Variants in LRRC4C observed in about 807,000 individuals in gnomAD.
LRRC4C encodes the protein leucine-rich repeat-containing protein 4C.
LRRC4C carries 5 observed loss-of-function variants against 33.6 expected under a neutral mutation model. The observed-to-expected ratio is 0.15, with a 90% CI of 0.08 to 0.31. The LOEUF is 0.31. Ranked by LOEUF, LRRC4C falls within the 10% of genes least tolerant of loss-of-function variation. LRRC4C has a pLI of 1.00. For synonymous variants in LRRC4C, 329 were observed against 302.0 expected (o/e 1.09, Z -0.93); for missense variants, 560 against 796.7 (o/e 0.70, Z 3.58).
intron 3 of LRRC4C, among the ~76,000 whole-genome samples, chr11:40,544,264 T>A (rs1020448705): frequency 7.9e-5 from 12 of 152,058 alleles, no homozygotes; most frequent in Admixed American, 1.3e-4. Context: ...TAGTCAGTAT[T>A]TTCTGCATAA....
At chr11:40,454,615 T>A (rs112608341) in intron 3 of LRRC4C, among the ~76,000 whole-genome samples, 5 of 152,284 alleles carry the variant, frequency 3.3e-5, no homozygotes, top group African/African-American at 1.2e-4. Flanking sequence ...GTGTATGAAT[T>A]TTTTTTCTGA....
chr11:40,294,945 G>T (rs1004575730), intron 4 of LRRC4C, among the ~76,000 whole-genome samples: 1 of 152,198 alleles, frequency 6.6e-6, no homozygotes. Flanking sequence ...ATCTTACCAG[G>T]AGGAAGCAAC....
At chr11:40,683,065 A>G (rs534295782) in intron 2 of LRRC4C, among the ~76,000 whole-genome samples, 250 of 152,358 alleles carry the variant, frequency 1.6e-3, no homozygotes, top group Non-Finnish European at 2.9e-3. Context: ...AGGTGATAAC[A>G]TACGAGGAGA....
chr11:41,239,368 A>G (rs1201532089), intron 1 of LRRC4C, among the ~76,000 whole-genome samples: 3 of 148,332 alleles, frequency 2.0e-5, no homozygotes, highest in African/African-American at 7.4e-5. Context: ...GTATTTTCCT[A>G]TTTAATCAGA....
chr11:41,130,071 C>G (rs1169322518), intron 1 of LRRC4C, among the ~76,000 whole-genome samples: 1 of 151,978 alleles, frequency 6.6e-6, no homozygotes, highest in Non-Finnish European at 1.5e-5. Context: ...GTAACTCAAA[C>G]TCTCCATTTG....
chr11:41,163,298 T>TTTTTTTTTTTTTTTTTTTC (rs1456325870), intron 1 of LRRC4C, among the ~76,000 whole-genome samples: 3 of 133,032 alleles, frequency 2.3e-5, no homozygotes, highest in Non-Finnish European at 3.2e-5. Context: ...TTTTTTTTTT[T>TTTTTTTTTTTTTTTTTTTC]TTTCAAACAG....
chr11:40,244,777 C>T (rs1373122540), intron 4 of LRRC4C, among the ~76,000 whole-genome samples: 2 of 151,682 alleles, frequency 1.3e-5, no homozygotes, highest in South Asian at 2.1e-4. Flanking sequence ...AAGAGAGATT[C>T]TTAAAAAGAG....
chr11:40,548,990 A>G (rs1393547434), intron 3 of LRRC4C, among the ~76,000 whole-genome samples: 1 of 152,094 alleles, frequency 6.6e-6, no homozygotes, highest in Non-Finnish European at 1.5e-5. Flanking sequence ...GAATTCCTAT[A>G]TTCTTTACTA....
chr11:41,102,756 T>C lies in LRRC4C; in HGVS notation c.-495-169033A>G, dbSNP rs554508308. 1.2e-4 allele frequency among the ~76,000 whole-genome samples: 18 copies of C among 152,196 alleles called. No individual in the cohort carries two copies. In the South Asian group the frequency reaches 3.5e-3, roughly 30 times the overall value. On this transcript the variant is annotated intron_variant, in intron 1 of 6. Transcript: ENST00000528697. The stretch of plus-strand genomic sequence containing the variant: ...TGCGCTCACTGGATTTAAACAACGC[T>C]GTGCTCATTTCCAAAATCCCAAATA...
chr11:40,186,502 A>T (rs1861412197), intron 5 of LRRC4C, among the ~76,000 whole-genome samples: 1 of 152,280 alleles, frequency 6.6e-6, no homozygotes, highest in African/African-American at 2.4e-5. Flanking sequence ...ACAAAGCACA[A>T]AGCTTTTTCT....
In LRRC4C at chr11:40,343,052, C is replaced by T. The variant is rs138702834; in HGVS notation, c.-269-23331G>A. 9.4e-3 allele frequency among the ~76,000 whole-genome samples: 1,425 copies of T among 151,912 alleles called. 21 individuals carry two copies. The highest frequency in any genetic ancestry group is 0.033 in the African/African-American group (1,375 of 41,434). ...TATATATTTTTTGCCTAATGTAATG[C>T]CTAACACTTAATAGGAGCTCATAAA... On this transcript the variant is annotated intron_variant, in intron 3 of 6. Coordinates refer to ENST00000528697, the MANE Select transcript of LRRC4C (RefSeq NM_001258419.2).
At chr11:41,436,676 C>T (rs1955440020) in intron 1 of LRRC4C, among the ~76,000 whole-genome samples, 1 of 152,216 alleles carries the variant, frequency 6.6e-6, no homozygotes, top group East Asian at 1.9e-4. Context: ...TTCACTTCTA[C>T]TTCTGAAAGC....
intron 1 of LRRC4C, among the ~76,000 whole-genome samples, chr11:41,246,658 A>T (rs1165727866): frequency 2.0e-5 from 3 of 152,148 alleles, no homozygotes; most frequent in South Asian, 2.1e-4. Flanking sequence ...ACTGGCTGCC[A>T]CTGTCATCAA....
chr11:40,696,300 G>GGTATATATATATGTGGTATATATATGA (rs1945519185), intron 2 of LRRC4C, among the ~76,000 whole-genome samples: 3 of 92,050 alleles, frequency 3.3e-5, no homozygotes, highest in African/African-American at 8.7e-5. Context: ...ATATATATAT[G>GGTATATATATATGTGGTATATATATGA]GTATATATAT....
intron 3 of LRRC4C, among the ~76,000 whole-genome samples, chr11:40,625,884 G>A (rs1030771909): frequency 1.6e-4 from 24 of 152,022 alleles, no homozygotes; most frequent in Admixed American, 6.6e-5. Context: ...TCTCCTGGAT[G>A]ATCTTTCTAA....
intron 3 of LRRC4C, among the ~76,000 whole-genome samples, chr11:40,342,618 A>G (rs72893196): frequency 0.016 from 2,377 of 152,322 alleles, 19 homozygotes; most frequent in African/African-American, 0.018. Context: ...CATAAAAATT[A>G]TACAACATAA....
At position 40,272,980 on chromosome 11, in the gene LRRC4C, G is replaced by A. The variant is rs184348343; in HGVS notation, c.-175-31382C>T. On this transcript the variant is annotated intron_variant, in intron 4 of 6. Coordinates refer to ENST00000528697, the MANE Select transcript of LRRC4C (RefSeq NM_001258419.2). ...CTTAAGACGCTAATTTATATGATGAGTTTAATGGCACTGTTAGATACAATA... is the reference window on the plus strand; with the variant it reads ...CTTAAGACGCTAATTTATATGATGAATTTAATGGCACTGTTAGATACAATA... Among the ~76,000 whole-genome samples the A allele has an allele frequency of 3.8e-3, 576 of 152,032 alleles. 1 individual carries two copies. Among genetic ancestry groups the A allele is most frequent in the African/African-American group, 0.013 (557 of 41,486 alleles).
At chr11:41,335,726 T>C (rs1201362889) in intron 1 of LRRC4C, among the ~76,000 whole-genome samples, 1 of 152,174 alleles carries the variant, frequency 6.6e-6, no homozygotes, top group Non-Finnish European at 1.5e-5. Flanking sequence ...AATGAATGAA[T>C]ATATAAGTAA....
chr11:41,208,369 G>T (rs1449931782), intron 1 of LRRC4C, among the ~76,000 whole-genome samples: 1 of 152,124 alleles, frequency 6.6e-6, no homozygotes, highest in Non-Finnish European at 1.5e-5. Context: ...AAGTTATTTA[G>T]CAAAAAGAAA....
Sources: gnomAD v4.1 joint callset for allele counts (sites outside exome capture counted in the v4.1 genomes callset) on GRCh38, gnomAD v4.1.1 for gene constraint, MANE v1.5 for transcripts, NCBI Gene and HGNC (gene_info 2026-07-23, HGNC 2026-07-21) for gene names.